The following WWOX variants were observed in gnomAD, a reference collection of about 807,000 sequenced individuals.
WWOX encodes WW domain-containing oxidoreductase.
A neutral mutation model predicts 46.2 loss-of-function variants in WWOX; 69 were observed. The ratio of observed to expected loss-of-function variants is 1.49; its 90% confidence interval spans 1.23 to 1.82. The LOEUF (loss-of-function observed/expected upper bound fraction) is 1.82, where lower values mean the gene tolerates loss of function less well. Ranked by LOEUF, WWOX falls within the 40% of genes most tolerant of loss-of-function variation. The probability of loss-of-function intolerance (pLI) is 0.00; values close to 1 mark genes in which losing one functional copy is unlikely to be tolerated. For missense variants in WWOX, 919 were observed against 542.6 expected, an observed-to-expected ratio of 1.69 and a Z score of -6.89; for synonymous variants, 359 against 202.6, an observed-to-expected ratio of 1.77 and a Z score of -6.56.
At chr16:78,905,154 G>A (rs897517600) in intron 8 of WWOX, among the ~76,000 whole-genome samples, 5 of 152,130 alleles carry the variant, frequency 3.3e-5, no homozygotes, top group African/African-American at 1.2e-4. Context: ...CCTCTATGAG[G>A]GGTTATACCC....
chr16:78,671,331 G>A (rs1597423336), intron 8 of WWOX, among the ~76,000 whole-genome samples: 1 of 152,162 alleles, frequency 6.6e-6, no homozygotes, highest in Non-Finnish European at 1.5e-5. Flanking sequence ...AGGCTGGGAT[G>A]GAAGCATCAT....
At chr16:78,282,033 C>T (rs2079687895) in intron 5 of WWOX, among the ~76,000 whole-genome samples, 1 of 152,162 alleles carries the variant, frequency 6.6e-6, no homozygotes, top group South Asian at 2.1e-4. Flanking sequence ...ACCCTTGGCC[C>T]AAAAGCCACA....
chr16:78,680,460 G>A (rs139518003), intron 8 of WWOX, among the ~76,000 whole-genome samples: 1 of 152,156 alleles, frequency 6.6e-6, no homozygotes, highest in Middle Eastern at 3.4e-3. Context: ...CTTGAGCCCC[G>A]GGAGGTAGAG....
chr16:78,651,758 G>T (rs895907104), intron 8 of WWOX, among the ~76,000 whole-genome samples: 3 of 152,138 alleles, frequency 2.0e-5, no homozygotes, highest in Admixed American at 2.0e-4. Context: ...AACCTCTTTC[G>T]TATCAACTTA....
At chr16:78,438,557 A>G (rs1457803594) in intron 8 of WWOX, among the ~76,000 whole-genome samples, 3 of 152,004 alleles carry the variant, frequency 2.0e-5, no homozygotes, top group Non-Finnish European at 4.4e-5. Context: ...TGCAGATTTG[A>G]AGTTGAGCAC....
Position 78,575,012 on chromosome 16 carries a change from TATATATATAA to T in WWOX, c.1056+142270_1056+142279del, listed in dbSNP as rs1567654993. On this transcript the variant is annotated intron_variant, in intron 8 of 8. Transcript: ENST00000566780. ...TTTATTTTTCAATTATATATATATA[TATATATATAA>T]ATATATATATATATATATATATATA... Among the ~76,000 whole-genome samples the T allele has an allele frequency of 1.1e-3, 16 of 15,016 alleles. 5 individuals carry two copies. The highest frequency in any genetic ancestry group is 6.1e-3 in the South Asian group (3 of 488). 9.9% of individuals were successfully genotyped at this position (15,016 alleles called of 152,430 possible). A position where few individuals can be genotyped will look rare whatever the true frequency, so the allele number is the denominator to read the frequency against.
At chr16:79,082,226 A>G (rs190566841) in intron 8 of WWOX, among the ~76,000 whole-genome samples, 51 of 152,316 alleles carry the variant, frequency 3.3e-4, no homozygotes, top group African/African-American at 1.2e-3. Context: ...AGCAATATTA[A>G]TATATGTCGC....
intron 8 of WWOX, among the ~76,000 whole-genome samples, chr16:78,791,693 C>T (rs889404154): frequency 6.6e-6 from 1 of 152,060 alleles, no homozygotes; most frequent in African/African-American, 2.4e-5. Flanking sequence ...GCCTGGCCAA[C>T]ATGATGAAAC....
At position 78,728,055 on chromosome 16, in the gene WWOX, C is replaced by CTTCCTT. The variant is rs1555524549; in HGVS notation, c.1056+295305_1056+295306insCCTTTT. 6.6e-3 allele frequency among the ~76,000 whole-genome samples: 575 copies of CTTCCTT among 86,754 alleles called. 6 individuals carry two copies. The highest frequency in any genetic ancestry group is 0.017 in the African/African-American group (284 of 16,952). The allele number at this position is 86,754 out of a possible 152,430, so 56.9% of individuals were successfully genotyped here. On this transcript the variant is annotated intron_variant, in intron 8 of 8. Transcript: ENST00000566780. Reference sequence around the variant, plus strand: ...TTCCTCTTTCCTCTCTCCCTCCTTCCTTTTTTTTTTTTTTTTTTTTTTTTT... The same window carrying CTTCCTT: ...TTCCTCTTTCCTCTCTCCCTCCTTCCTTCCTTTTTTTTTTTTTTTTTTTTTTTTTTT...
At chr16:78,771,659 C>A (rs1363650804) in intron 8 of WWOX, among the ~76,000 whole-genome samples, 3 of 151,956 alleles carry the variant, frequency 2.0e-5, no homozygotes, top group Non-Finnish European at 4.4e-5. Flanking sequence ...GTAATCCCAG[C>A]TATTTGGAAG....
chr16:78,498,525 A>T (rs1004081037), intron 8 of WWOX, among the ~76,000 whole-genome samples: 5 of 152,158 alleles, frequency 3.3e-5, no homozygotes, highest in Non-Finnish European at 7.4e-5. Context: ...GAGGAGTTGA[A>T]GGTGACAGAG....
intron 8 of WWOX, among the ~76,000 whole-genome samples, chr16:78,505,841 A>AGG (rs1186670074): frequency 6.6e-6 from 1 of 150,990 alleles, no homozygotes; most frequent in Non-Finnish European, 1.5e-5. Context: ...CTGTAGAGAG[A>AGG]GTGGGTGGAG....
At chr16:78,585,460 G>T (rs959404402) in intron 8 of WWOX, among the ~76,000 whole-genome samples, 3 of 152,004 alleles carry the variant, frequency 2.0e-5, no homozygotes, top group Non-Finnish European at 4.4e-5. Flanking sequence ...TCACTGATGG[G>T]CCCCCAACTC....
At chr16:78,775,416 G>C (rs900981379) in intron 8 of WWOX, among the ~76,000 whole-genome samples, 1 of 152,132 alleles carries the variant, frequency 6.6e-6, no homozygotes, top group African/African-American at 2.4e-5. Flanking sequence ...ACCCCAAAGT[G>C]ATGTTCTTTT....
intron 8 of WWOX, among the ~76,000 whole-genome samples, chr16:78,889,937 T>C (rs2044551647): frequency 6.6e-6 from 1 of 152,184 alleles, no homozygotes; most frequent in Non-Finnish European, 1.5e-5. Flanking sequence ...TGGTATTAAA[T>C]TAGATGTGTA....
At chr16:78,507,534 G>T (rs553343097) in intron 8 of WWOX, among the ~76,000 whole-genome samples, 4 of 152,280 alleles carry the variant, frequency 2.6e-5, no homozygotes, top group Admixed American at 2.0e-4. Flanking sequence ...AATACACGCA[G>T]AGAGACCCAC....
At chr16:79,016,802 A>T (rs904662374) in intron 8 of WWOX, 1 of 152,232 alleles carries the variant, frequency 6.6e-6, no homozygotes, top group Admixed American at 6.5e-5. Context: ...TTAGAAGATG[A>T]TGACCTCAAC....
chr16:78,743,546 T>G (rs542673125), intron 8 of WWOX, among the ~76,000 whole-genome samples: 116 of 152,148 alleles, frequency 7.6e-4, no homozygotes, highest in African/African-American at 2.6e-3. Flanking sequence ...TTTGTATAAT[T>G]AAATCAAAAG....
At chr16:78,721,946 C>A (rs945208255) in intron 8 of WWOX, among the ~76,000 whole-genome samples, 2 of 152,346 alleles carry the variant, frequency 1.3e-5, no homozygotes, top group South Asian at 2.1e-4. Flanking sequence ...CTTTCCTTTG[C>A]TACTTTTTGC....
Sources: allele counts gnomAD v4.1 joint callset (sites outside exome capture counted in the v4.1 genomes callset), GRCh38; gene constraint gnomAD v4.1.1; transcripts MANE v1.5; gene names NCBI Gene and HGNC (gene_info 2026-07-23, HGNC 2026-07-21).